Variants in USP8 observed in about 807,000 individuals in gnomAD.
USP8 encodes the protein ubiquitin carboxyl-terminal hydrolase 8.
Under a neutral mutation model 130.0 loss-of-function variants are expected in USP8, and 27 were observed. The ratio of observed to expected loss-of-function variants is 0.21; its 90% CI spans 0.15 to 0.29. USP8 has a LOEUF of 0.29. Among genes scored for constraint, USP8 ranks in the 10% least tolerant of loss-of-function variants. The pLI is 1.00. For synonymous variants in USP8, 392 were observed against 444.1 expected, an observed-to-expected ratio of 0.88 and a Z score of 1.48; for missense variants, 1,029 against 1,312.2, an observed-to-expected ratio of 0.78 and a Z score of 3.33.
At chr15:50,435,726 A>G (rs1274899800) in intron 1 of USP8, among the ~76,000 whole-genome samples, 3 of 152,354 alleles carry the variant, frequency 2.0e-5, no homozygotes, top group Middle Eastern at 3.4e-3. Flanking sequence ...AGAAACAACT[A>G]TGGTTTTTAA....
rs565722449 is a variant in USP8, at chr15:50,431,272, G to A, written c.-66+6758G>A. On this transcript the variant is annotated intron_variant, in intron 1 of 19. Transcript: ENST00000307179. Reference sequence around the variant, plus strand: ...TTGTGTTCTTTTCTGCAGTGACCTTGTAGTTACTCTTTTCCATAGTATCAT... The same window carrying A: ...TTGTGTTCTTTTCTGCAGTGACCTTATAGTTACTCTTTTCCATAGTATCAT... Among the ~76,000 whole-genome samples, 7 of 150,564 alleles carry A rather than the reference G, an allele frequency of 4.6e-5. No individual in the cohort carries two copies. The East Asian group carries it at 9.9e-4, about 21-fold the overall frequency.
intron 1 of USP8, among the ~76,000 whole-genome samples, chr15:50,436,969 C>T (rs1425253561): frequency 6.6e-6 from 1 of 151,892 alleles, no homozygotes; most frequent in African/African-American, 2.4e-5. Flanking sequence ...CATGCCCAGC[C>T]CCAATGTTCC....
intron 7 of USP8, among the ~76,000 whole-genome samples, chr15:50,467,937 T>G (rs1239294158): frequency 6.6e-6 from 1 of 151,658 alleles, no homozygotes; most frequent in African/African-American, 2.4e-5. Context: ...TTATTTATTT[T>G]TATTTATTTA....
At chr15:50,444,549 G>C (rs1005078198) in intron 3 of USP8, 3 of 151,720 alleles carry the variant, frequency 2.0e-5, no homozygotes, top group Non-Finnish European at 4.4e-5. Flanking sequence ...CATTTAAACA[G>C]ATGAGATTTT....
chr15:50,430,367 C>T (rs1384732924), intron 1 of USP8, among the ~76,000 whole-genome samples: 1 of 151,940 alleles, frequency 6.6e-6, no homozygotes, highest in East Asian at 1.9e-4. Flanking sequence ...AGAACTAGGG[C>T]TAGTTTATTC....
chr15:50,460,162 T>C (rs1465278947), intron 5 of USP8, among the ~76,000 whole-genome samples: 2 of 151,498 alleles, frequency 1.3e-5, no homozygotes, highest in African/African-American at 4.8e-5. Context: ...CACACCCGGC[T>C]AATTTTTGTA....
rs377409330 is a variant in USP8 at position 50,499,106 on chromosome 15, A to G, written c.*18A>G. The G allele has an allele frequency of 1.1e-5, 17 of 1,564,668 alleles. 1 individual carries two copies. The highest frequency in any genetic ancestry group is 1.4e-5 in the Non-Finnish European group (16 of 1,155,948). ...CCACATAAGGAGACATAGGTTATAA[A>G]CTAGTTATCTTTTAAAAGGCTCAGC... is the stretch of plus-strand genomic sequence containing the variant. On this transcript the variant is annotated 3_prime_UTR_variant, in exon 20 of 20. Coordinates refer to ENST00000307179, the MANE Select transcript of USP8 (RefSeq NM_005154.5).
At position 50,424,438 on chromosome 15, in the gene USP8, C is replaced by G. The variant is rs72738956; in HGVS notation, c.-142C>G. The G allele has an allele frequency of 1.3e-4, 52 of 398,714 alleles. No homozygotes were observed. In the South Asian group the frequency reaches 3.1e-3, roughly 23 times the overall value. 24.7% of individuals were successfully genotyped at this position (398,714 alleles called of 1,614,324 possible). A position where few individuals can be genotyped will look rare whatever the true frequency, so the allele number is the denominator to read the frequency against. ...CTGGCTTCCGTCCTGGTAGCCAAGG[C>G]TAATTCTCCCTCGAGTTCTTGGGAG... is the stretch of plus-strand genomic sequence containing the variant. On this transcript the variant is annotated 5_prime_UTR_variant, in exon 1 of 20. Transcript: ENST00000307179.
chr15:50,426,995 G>C (rs1318430626), intron 1 of USP8: 1 of 137,616 alleles, frequency 7.3e-6, no homozygotes. Context: ...TTGCTCTGTT[G>C]TCAGCCTGGA....
At chr15:50,483,838 AT>A (rs2051858928) in intron 11 of USP8, among the ~76,000 whole-genome samples, 1 of 152,086 alleles carries the variant, frequency 6.6e-6, no homozygotes, top group South Asian at 2.1e-4. Flanking sequence ...AGATATGAAT[AT>A]AGATTTTTGC....
chr15:50,429,472 A>G (rs1378517926), intron 1 of USP8, among the ~76,000 whole-genome samples: 1 of 152,142 alleles, frequency 6.6e-6, no homozygotes, highest in Non-Finnish European at 1.5e-5. Flanking sequence ...CAGCATGTTT[A>G]TATTCATTCT....
chr15:50,466,764 C>A, intron 7 of USP8: 1 of 239,954 alleles, frequency 4.2e-6, no homozygotes, highest in Admixed American at 4.6e-5. Context: ...GCTGGAAAAA[C>A]ACCCATGGAG....
intron 2 of USP8, among the ~76,000 whole-genome samples, chr15:50,439,380 G>C (rs947848780): frequency 6.6e-6 from 1 of 152,098 alleles, no homozygotes; most frequent in South Asian, 2.1e-4. Context: ...CTACTCTCCA[G>C]ACAGATCATA....
At chr15:50,490,824 C>T (rs541683633) in intron 14 of USP8, among the ~76,000 whole-genome samples, 8 of 152,122 alleles carry the variant, frequency 5.3e-5, no homozygotes, top group Non-Finnish European at 1.0e-4. Flanking sequence ...TCATAGACCG[C>T]CTGTGGTCCC....
intron 7 of USP8, among the ~76,000 whole-genome samples, chr15:50,466,191 T>C (rs1307973874): frequency 6.6e-6 from 1 of 152,308 alleles, no homozygotes; most frequent in East Asian, 1.9e-4. Context: ...TGGTTTAAAA[T>C]TATATATTTT....
At position 50,465,515 on chromosome 15, in the gene USP8, C is replaced by T. The variant is rs981731420; in HGVS notation, c.686+324C>T. On this transcript the variant is annotated intron_variant, in intron 7 of 19. Transcript: ENST00000307179. ...CCACCCTTTTTGAAGGTTGAAGTTA[C>T]GGATTTGCCAACTTTTGATTTGGCT... 8.5e-5 allele frequency among the ~76,000 whole-genome samples: 13 copies of T among 152,220 alleles called. 1 individual carries two copies. The highest frequency in any genetic ancestry group is 3.1e-4 in the African/African-American group (13 of 41,552).
intron 8 of USP8, among the ~76,000 whole-genome samples, chr15:50,472,935 A>G (rs2051430361): frequency 6.6e-6 from 1 of 152,204 alleles, no homozygotes; most frequent in Admixed American, 6.5e-5. Context: ...AAAGATTACA[A>G]GGCAGAAGAC....
intron 8 of USP8, among the ~76,000 whole-genome samples, chr15:50,474,513 T>C (rs1300306138): frequency 6.6e-6 from 1 of 152,182 alleles, no homozygotes; most frequent in African/African-American, 2.4e-5. Flanking sequence ...CAACTGGCAT[T>C]GACCTACAAA....
chr15:50,512,139 G>C lies in USP8; in HGVS notation c.*13051G>C, dbSNP rs953154807. 2 of 151,936 alleles carry C rather than the reference G, an allele frequency of 1.3e-5. No homozygotes were observed. Among genetic ancestry groups the C allele is most frequent in the Non-Finnish European group, 2.9e-5 (2 of 68,044 alleles). The allele number at this position is 151,936 out of a possible 1,614,324, so 9.4% of individuals were successfully genotyped here. ...AGGTGGGTGCGCCACTTGAGGTCAGGAGTTCAAGACCAGCCTGGTCAACAT... is the reference window on the plus strand; with the variant it reads ...AGGTGGGTGCGCCACTTGAGGTCAGCAGTTCAAGACCAGCCTGGTCAACAT... On this transcript the variant is annotated 3_prime_UTR_variant, in exon 20 of 20. Coordinates refer to ENST00000307179, the MANE Select transcript of USP8 (RefSeq NM_005154.5).
Sources: allele counts gnomAD v4.1 joint callset (sites outside exome capture counted in the v4.1 genomes callset), GRCh38; gene constraint gnomAD v4.1.1; transcripts MANE v1.5; gene names NCBI Gene and HGNC (gene_info 2026-07-23, HGNC 2026-07-21).